The following SUMF1 variants were observed in gnomAD, a reference collection of about 807,000 sequenced individuals.
SUMF1 encodes formylglycine-generating enzyme.
In SUMF1, 48 loss-of-function variants were observed where a neutral mutation model predicts 47.6. The observed-to-expected ratio is 1.01, with a 90% confidence interval of 0.80 to 1.28. The LOEUF (loss-of-function observed/expected upper bound fraction) is 1.28. SUMF1 is among the 50% of genes most tolerant of loss of function. SUMF1 has a pLI of 0.00. For synonymous variants in SUMF1, 230 were observed against 192.1 expected (o/e 1.20, Z -1.63); for missense variants, 571 against 485.4 (o/e 1.18, Z -1.66).
intron 8 of SUMF1, among the ~76,000 whole-genome samples, chr3:4,104,827 C>T (rs183723216): frequency 6.6e-6 from 1 of 152,164 alleles, no homozygotes. Context: ...TATGCTCAAA[C>T]ATGTATAGAG....
At chr3:4,225,719 C>A (rs1274085744) in intron 8 of SUMF1, among the ~76,000 whole-genome samples, 1 of 152,080 alleles carries the variant, frequency 6.6e-6, no homozygotes, top group Non-Finnish European at 1.5e-5. Flanking sequence ...TTATAAAAGT[C>A]TCTGTAGGTT....
At chr3:4,456,943 TAC>T (rs1196521807) in intron 1 of SUMF1, among the ~76,000 whole-genome samples, 155 of 121,394 alleles carry the variant, frequency 1.3e-3, no homozygotes, top group African/African-American at 4.4e-3. Flanking sequence ...TACGTGTGTG[TAC>T]ATATATACGT....
intron 7 of SUMF1, among the ~76,000 whole-genome samples, chr3:4,384,004 C>T (rs537636580): frequency 1.4e-5 from 2 of 142,852 alleles, no homozygotes; most frequent in South Asian, 4.3e-4. Context: ...CACAGTGTGA[C>T]CATTATTGCT....
At chr3:4,354,152 G>A (rs1575122919) in intron 8 of SUMF1, among the ~76,000 whole-genome samples, 1 of 152,146 alleles carries the variant, frequency 6.6e-6, no homozygotes, top group South Asian at 2.1e-4. Flanking sequence ...ACCCTGCCCA[G>A]CCCCCATCTT....
chr3:4,252,349 T>TGCGCACAC (rs1696821092), intron 8 of SUMF1, among the ~76,000 whole-genome samples: 1 of 125,114 alleles, frequency 8.0e-6, no homozygotes, highest in Non-Finnish European at 1.7e-5. Flanking sequence ...AATACACACA[T>TGCGCACAC]GCGCACACAC....
At chr3:4,041,208 A>G (rs1311725665) in intron 9 of SUMF1, among the ~76,000 whole-genome samples, 1 of 152,176 alleles carries the variant, frequency 6.6e-6, no homozygotes. Context: ...AGTAGCTGGG[A>G]CTACAGGCAC....
chr3:4,087,410 T>C (rs1210398376), intron 8 of SUMF1, among the ~76,000 whole-genome samples: 1 of 152,130 alleles, frequency 6.6e-6, no homozygotes, highest in Non-Finnish European at 1.5e-5. Flanking sequence ...TGTCTGGCAC[T>C]GCACAGGTAT....
intron 9 of SUMF1, among the ~76,000 whole-genome samples, chr3:4,043,613 A>G (rs1302172102): frequency 6.6e-6 from 1 of 152,038 alleles, no homozygotes; most frequent in Non-Finnish European, 1.5e-5. Context: ...TTAAAAGCTG[A>G]TAAGTCCTCT....
chr3:4,410,713 G>C (rs1337825088), intron 7 of SUMF1, 152 bp downstream of exon 7: 1 of 731,368 alleles, frequency 1.4e-6, no homozygotes. Flanking sequence ...GTTGAAATAA[G>C]AAACATGCGC....
In SUMF1 at chr3:4,376,382, G is replaced by T; in HGVS notation, c.962C>A (p.Pro321His). The change falls in exon 8 of 9, where the codon CCC becomes CAC. Residue 321 changes from proline to histidine, a missense_variant. Physicochemically the swap from Pro to His is moderately conservative, Grantham distance 77. Coordinates refer to ENST00000272902, the MANE Select transcript of SUMF1 (RefSeq NM_182760.4). Reference protein sequence around the residue: ...SVEETLNPKGPPSGKDRVKKG... With the variant: ...SVEETLNPKGHPSGKDRVKKG... ...CTTCACTCGGTCTTTCCCAGAAGGG[G>T]GACCTTTCTACAGATGAAGAAAAAA... 1 of 1,614,058 alleles carries T rather than the reference G, an allele frequency of 6.2e-7. No individual in the cohort carries two copies. The highest frequency in any genetic ancestry group is 8.5e-7 in the Non-Finnish European group (1 of 1,179,968).
chr3:4,081,338 C>A (rs541558433), intron 8 of SUMF1, among the ~76,000 whole-genome samples: 40 of 152,088 alleles, frequency 2.6e-4, no homozygotes, highest in Non-Finnish European at 8.8e-5. Context: ...TCTTTCTTCA[C>A]TGCCTGCTTC....
intron 8 of SUMF1, among the ~76,000 whole-genome samples, chr3:4,220,228 G>C (rs989892398): frequency 2.6e-5 from 4 of 152,134 alleles, no homozygotes; most frequent in African/African-American, 9.7e-5. Context: ...TCATCTCTCT[G>C]TGTGTGTGCT....
chr3:4,436,602 A>C (rs75465566), intron 3 of SUMF1, among the ~76,000 whole-genome samples: 1 of 76,262 alleles, frequency 1.3e-5, no homozygotes, highest in Non-Finnish European at 3.2e-5. Flanking sequence ...TTGTTAATTA[A>C]AAAAAAAAAA....
At chr3:4,407,202 C>A (rs1216289078) in intron 7 of SUMF1, among the ~76,000 whole-genome samples, 1 of 152,102 alleles carries the variant, frequency 6.6e-6, no homozygotes, top group East Asian at 1.9e-4. Context: ...GTTTCCACAA[C>A]CTGCTTTTGC....
At chr3:4,218,943 G>T (rs558416883) in intron 8 of SUMF1, among the ~76,000 whole-genome samples, 74 of 152,174 alleles carry the variant, frequency 4.9e-4, no homozygotes, top group Non-Finnish European at 7.8e-4. Flanking sequence ...GCTCACAGAG[G>T]AAGTCAGATT....
At chr3:4,220,398 A>T (rs1177068740) in intron 8 of SUMF1, among the ~76,000 whole-genome samples, 1 of 152,114 alleles carries the variant, frequency 6.6e-6, no homozygotes, top group African/African-American at 2.4e-5. Flanking sequence ...CCTTTCTAAA[A>T]CTACAACCCT....
At chr3:4,336,820 T>A (rs960706923) in intron 8 of SUMF1, among the ~76,000 whole-genome samples, 1 of 152,264 alleles carries the variant, frequency 6.6e-6, no homozygotes, top group Non-Finnish European at 1.5e-5. Flanking sequence ...TTTTCATTCT[T>A]GTGGTTATGA....
At chr3:4,317,454 G>A (rs1245337373) in intron 8 of SUMF1, 7 of 499,730 alleles carry the variant, frequency 1.4e-5, no homozygotes, top group Admixed American at 3.3e-5. Flanking sequence ...AGGCCCAGGC[G>A]GGCAGATCAC....
intron 8 of SUMF1, among the ~76,000 whole-genome samples, chr3:4,226,108 T>C (rs951850978): frequency 6.6e-6 from 1 of 152,054 alleles, no homozygotes; most frequent in African/African-American, 2.4e-5. Flanking sequence ...ATCTACCCGC[T>C]CGCCATTTAT....
Sources: allele counts gnomAD v4.1 joint callset (sites outside exome capture counted in the v4.1 genomes callset), GRCh38; gene constraint gnomAD v4.1.1; transcripts MANE v1.5; gene names NCBI Gene and HGNC (gene_info 2026-07-23, HGNC 2026-07-21).